The following DRC11 variants were observed in gnomAD, a reference collection of about 807,000 sequenced individuals.
DRC11 encodes dynein regulatory complex subunit 11.
chr2:236,499,710 G>A, the DRC11 span, among the ~76,000 whole-genome samples: 3 of 152,236 alleles, frequency 2.0e-5, no homozygotes, highest in Non-Finnish European at 4.4e-5. This position sits in a 1 kb window ranked among gnomAD's most constrained non-coding sequence, Gnocchi z 4.7. Flanking sequence ...GATTACAGAC[G>A]TGAACCACTG....
the DRC11 span, among the ~76,000 whole-genome samples, chr2:236,448,438 C>A: frequency 6.6e-6 from 1 of 151,532 alleles, no homozygotes. The surrounding 1 kb of genome is among the most constrained non-coding windows in gnomAD (Gnocchi z 5.3). Context: ...AGTGCAGAGG[C>A]GATTCTCCTG....
chr2:236,359,919 C>G, the DRC11 span, among the ~76,000 whole-genome samples: 1 of 152,066 alleles, frequency 6.6e-6, no homozygotes. The surrounding 1 kb of genome is among the most constrained non-coding windows in gnomAD (Gnocchi z 4.3). Flanking sequence ...TGAAGTGGCC[C>G]AGGTGGGTGA....
the DRC11 span, among the ~76,000 whole-genome samples, chr2:236,371,775 T>G: frequency 6.6e-6 from 1 of 152,206 alleles, no homozygotes; most frequent in Non-Finnish European, 1.5e-5. This position sits in a 1 kb window ranked among gnomAD's most constrained non-coding sequence, Gnocchi z 5.1. Context: ...TTGTGTCCCA[T>G]GTACTTGAAA....
chr2:236,488,940 G>C, the DRC11 span, among the ~76,000 whole-genome samples: 1 of 147,816 alleles, frequency 6.8e-6, no homozygotes, highest in Non-Finnish European at 1.5e-5. Context: ...GGTGAGGCCT[G>C]TGTGGGCTCC....
the DRC11 span, chr2:236,408,374 G>C: frequency 1.3e-6 from 1 of 754,120 alleles, no homozygotes; most frequent in Non-Finnish European, 2.5e-6. This position sits in a 1 kb window ranked among gnomAD's most constrained non-coding sequence, Gnocchi z 5.5. Flanking sequence ...GTGTGTCAAT[G>C]ACTTGTGACC....
the DRC11 span, among the ~76,000 whole-genome samples, chr2:236,315,075 T>C: frequency 6.6e-6 from 1 of 152,186 alleles, no homozygotes; most frequent in Non-Finnish European, 1.5e-5. The surrounding 1 kb of genome is among the most constrained non-coding windows in gnomAD (Gnocchi z 5.1). Context: ...CAATGTGATA[T>C]TGGCAGAATG....
chr2:236,505,827 C>G, the DRC11 span, among the ~76,000 whole-genome samples: 1 of 152,200 alleles, frequency 6.6e-6, no homozygotes, highest in Non-Finnish European at 1.5e-5. Context: ...CTATATCATT[C>G]TGGGCCATTC....
At chr2:236,322,656 C>T in the DRC11 span, among the ~76,000 whole-genome samples, 10 of 152,174 alleles carry the variant, frequency 6.6e-5, no homozygotes, top group Non-Finnish European at 1.3e-4. Context: ...CTGGCAATCA[C>T]GTCTCCATGT....
At chr2:236,308,574 G>C in the DRC11 span, among the ~76,000 whole-genome samples, 9 of 152,346 alleles carry the variant, frequency 5.9e-5, no homozygotes, top group South Asian at 1.9e-3. The surrounding 1 kb of genome is among the most constrained non-coding windows in gnomAD (Gnocchi z 6.0). Flanking sequence ...TGGCCAGTGT[G>C]GGGGCTCTGC....
the DRC11 span, among the ~76,000 whole-genome samples, chr2:236,485,374 T>C: frequency 1.3e-5 from 2 of 152,200 alleles, no homozygotes; most frequent in East Asian, 3.8e-4. Context: ...CTGTATGTTA[T>C]TAGCGTTTTC....
the DRC11 span, among the ~76,000 whole-genome samples, chr2:236,335,915 C>T: frequency 1.0e-5 from 1 of 100,420 alleles, no homozygotes. This position sits in a 1 kb window ranked among gnomAD's most constrained non-coding sequence, Gnocchi z 5.6. Context: ...ACAGCGCTGC[C>T]CCCTTCATCC....
At chr2:236,459,512 CG>C in the DRC11 span, among the ~76,000 whole-genome samples, 1 of 89,882 alleles carries the variant, frequency 1.1e-5, no homozygotes, top group African/African-American at 4.1e-5. Context: ...TATACGTATA[CG>C]TATACATGTA....
the DRC11 span, among the ~76,000 whole-genome samples, chr2:236,464,565 A>T: frequency 6.6e-6 from 1 of 152,222 alleles, no homozygotes; most frequent in South Asian, 2.1e-4. Context: ...CTCATTTAAC[A>T]TTTCATTTAA....
the DRC11 span, among the ~76,000 whole-genome samples, chr2:236,439,341 A>T: frequency 1.3e-5 from 2 of 152,204 alleles, no homozygotes; most frequent in Non-Finnish European, 2.9e-5. Context: ...ATAGTTTTTT[A>T]AAAAAACTTT....
the DRC11 span, among the ~76,000 whole-genome samples, chr2:236,358,826 G>A: frequency 8.8e-5 from 13 of 148,116 alleles, no homozygotes; most frequent in Non-Finnish European, 1.8e-4. Flanking sequence ...GCTAGGTCAG[G>A]CCCCAAGACC....
the DRC11 span, among the ~76,000 whole-genome samples, chr2:236,467,898 C>T: frequency 6.6e-6 from 1 of 152,122 alleles, no homozygotes; most frequent in African/African-American, 2.4e-5. Context: ...TATACACACA[C>T]TCTCTAAGAA....
chr2:236,383,035 C>T, the DRC11 span, among the ~76,000 whole-genome samples: 1 of 152,034 alleles, frequency 6.6e-6, no homozygotes, highest in Middle Eastern at 3.2e-3. Context: ...CAATAAAAAC[C>T]CGAAGTTTAT....
the DRC11 span, chr2:236,503,611 A>C: frequency 2.6e-6 from 4 of 1,546,890 alleles, no homozygotes; most frequent in African/African-American, 4.1e-5. The surrounding 1 kb of genome is among the most constrained non-coding windows in gnomAD (Gnocchi z 4.9). Context: ...TTGAAAGCAC[A>C]CGGATCCCTG....
At chr2:236,481,656 A>G in the DRC11 span, among the ~76,000 whole-genome samples, 1 of 152,104 alleles carries the variant, frequency 6.6e-6, no homozygotes. Context: ...GTAAAATTTG[A>G]CTATTTTAGA....
Sources: gnomAD v4.1 joint callset for allele counts (sites outside exome capture counted in the v4.1 genomes callset) on GRCh38, gnomAD v4.1.1 for gene constraint, Gnocchi (gnomAD v3.1) non-coding constraint, MANE v1.5 for transcripts, NCBI Gene and HGNC (gene_info 2026-07-23, HGNC 2026-07-21) for gene names.